TMEM26: variants seen among roughly 807,000 people sequenced by gnomAD.
TMEM26 encodes the protein transmembrane protein 26.
TMEM26 carries 38 observed loss-of-function variants against 28.8 expected under a neutral mutation model. The observed-to-expected ratio is 1.32, with a 90% CI of 1.02 to 1.73. The LOEUF (loss-of-function observed/expected upper bound fraction) is 1.73. Ranked by LOEUF, TMEM26 falls within the 40% of genes most tolerant of loss-of-function variation. The pLI is 0.00. For missense variants in TMEM26, 518 were observed against 447.1 expected, an observed-to-expected ratio of 1.16 and a Z score of -1.43; for synonymous variants, 227 against 182.9, an observed-to-expected ratio of 1.24 and a Z score of -1.95.
chr10:61,411,817 G>A (rs746541839), intron 5 of TMEM26, among the ~76,000 whole-genome samples: 32 of 152,174 alleles, frequency 2.1e-4, no homozygotes, highest in Non-Finnish European at 3.8e-4. Flanking sequence ...AACAAAGAAT[G>A]CCTTCGTCTA....
chr10:61,439,246 T>G lies in TMEM26; in HGVS notation c.192-2998A>C, dbSNP rs565004481. ...GTGGCCCAACACATGCTGTACTGTT[T>G]TATAGTTATGTGTGTATAAGACTTC... is the stretch of plus-strand genomic sequence containing the variant. On this transcript the variant is annotated intron_variant, in intron 1 of 5. Coordinates refer to ENST00000399298, the MANE Select transcript of TMEM26 (RefSeq NM_178505.8). Among the ~76,000 whole-genome samples, 4 of 152,324 alleles carry G rather than the reference T, an allele frequency of 2.6e-5. No individual in the cohort carries two copies. In the South Asian group the frequency reaches 8.3e-4, roughly 32 times the overall value.
Position 61,453,254 on chromosome 10 carries a change from C to G in TMEM26, c.-173G>C. ...CGGTAGAACTGGTGCGCGGCTCGCC[C>G]CTCCCCCAAACTTCCTGAGAACTCT... On this transcript the variant is annotated 5_prime_UTR_variant, in exon 1 of 6. Transcript: ENST00000399298. The G allele has an allele frequency of 3.0e-6, 2 of 663,934 alleles. No homozygotes were observed. The highest frequency in any genetic ancestry group is 5.0e-6 in the Non-Finnish European group (2 of 396,068). 41.1% of individuals were successfully genotyped at this position (663,934 alleles called of 1,614,324 possible). A position where few individuals can be genotyped will look rare whatever the true frequency, so the allele number is the denominator to read the frequency against.
chr10:61,437,973 A>G (rs1342051923), intron 1 of TMEM26, among the ~76,000 whole-genome samples: 1 of 152,182 alleles, frequency 6.6e-6, no homozygotes, highest in Non-Finnish European at 1.5e-5. Context: ...TTCGAGATGA[A>G]ATGTTACCCA....
At chr10:61,417,281 T>C (rs1839668488) in intron 4 of TMEM26, among the ~76,000 whole-genome samples, 1 of 152,006 alleles carries the variant, frequency 6.6e-6, no homozygotes, top group Admixed American at 6.6e-5. Context: ...TTGACATTAG[T>C]ATCACTTTTC....
At chr10:61,414,017 A>T in intron 4 of TMEM26, 1 of 987,770 alleles carries the variant, frequency 1.0e-6, no homozygotes, top group Non-Finnish European at 1.2e-6. Context: ...TTAGATAGGA[A>T]AAAGGTAAGG....
intron 4 of TMEM26, among the ~76,000 whole-genome samples, chr10:61,422,621 CAT>C (rs1839767594): frequency 2.0e-5 from 3 of 151,924 alleles, no homozygotes; most frequent in South Asian, 2.1e-4. Flanking sequence ...CAAAAAAAGA[CAT>C]ATCAAATTTC....
intron 2 of TMEM26, 29 bp from the exon 3 acceptor site, chr10:61,431,361 T>C (rs1589036132): frequency 1.3e-6 from 2 of 1,551,640 alleles, no homozygotes; most frequent in Admixed American, 1.7e-5. Context: ...AAGGCAATTA[T>C]GGCAAAAAAT....
rs779916450 is a variant in TMEM26 at position 61,453,015 on chromosome 10, C to T, written c.67G>A (p.Gly23Arg). 4 of 1,613,804 alleles carry T rather than the reference C, an allele frequency of 2.5e-6. No homozygotes were observed. In the South Asian group the frequency reaches 3.3e-5, roughly 13 times the overall value. ...TTCACCTCGGTCACTCGCCAGACCC[C>T]GACCAGCGAGTGCAGCAGGAACAGC... The part of the protein sequence containing the change: ...RLLFLLHSLV[G>R]VWRVTEVKKE... Residue 23 changes from glycine (G) to arginine (R), a missense_variant, in exon 1 of 6, where the codon GGG (glycine) becomes AGG (arginine). By Grantham distance (125) the Gly-to-Arg change is moderately radical (BLOSUM62 -2). Transcript: ENST00000399298.
intron 1 of TMEM26, among the ~76,000 whole-genome samples, chr10:61,452,080 T>G (rs1199445418): frequency 6.6e-6 from 1 of 152,118 alleles, no homozygotes; most frequent in East Asian, 1.9e-4. Context: ...AACTTCCAGA[T>G]GGATTCCTCT....
At chr10:61,414,902 C>T in intron 4 of TMEM26, 1 of 843,496 alleles carries the variant, frequency 1.2e-6, no homozygotes, top group African/African-American at 1.8e-5. Context: ...CCATAGTGTC[C>T]TCATTAACAA....
intron 3 of TMEM26, 113 bp downstream of exon 3, chr10:61,431,106 G>A: frequency 1.2e-6 from 1 of 801,606 alleles, no homozygotes; most frequent in Admixed American, 2.6e-5. Flanking sequence ...CCAAACAATG[G>A]ATAACTTTCT....
chr10:61,423,711 C>G (rs1661611907), intron 4 of TMEM26, among the ~76,000 whole-genome samples: 1 of 151,874 alleles, frequency 6.6e-6, no homozygotes, highest in Non-Finnish European at 1.5e-5. Flanking sequence ...TAGACCCGGG[C>G]TAAAGGGCAA....
intron 1 of TMEM26, among the ~76,000 whole-genome samples, chr10:61,436,825 T>C (rs1192943041): frequency 1.3e-5 from 2 of 152,162 alleles, no homozygotes; most frequent in African/African-American, 4.8e-5. Context: ...AAGCCTTTGG[T>C]ATTTTTTTTA....
At chr10:61,417,747 T>A (rs929159832) in intron 4 of TMEM26, among the ~76,000 whole-genome samples, 3 of 151,992 alleles carry the variant, frequency 2.0e-5, no homozygotes, top group African/African-American at 7.2e-5. Context: ...GAAAAAAGAC[T>A]GCACAAAGTG....
intron 5 of TMEM26, among the ~76,000 whole-genome samples, chr10:61,411,044 C>T (rs1307992907): frequency 6.6e-6 from 1 of 152,072 alleles, no homozygotes; most frequent in East Asian, 1.9e-4. Flanking sequence ...TGCTTATAGC[C>T]CAAGCTCCTT....
chr10:61,424,474 C>A (rs534450102), intron 4 of TMEM26, among the ~76,000 whole-genome samples: 3 of 152,088 alleles, frequency 2.0e-5, no homozygotes, highest in Non-Finnish European at 4.4e-5. Flanking sequence ...GTTAAGATGA[C>A]ACTTCTTCCC....
Position 61,408,018 on chromosome 10 carries a change from G to A in TMEM26, c.*2304C>T, listed in dbSNP as rs1839517242. The A allele has an allele frequency of 6.6e-6, 1 of 152,138 alleles. No individual in the cohort carries two copies. Among genetic ancestry groups the A allele is most frequent in the Non-Finnish European group, 1.5e-5 (1 of 68,022 alleles). The allele number at this position is 152,138 out of a possible 1,614,324, so 9.4% of individuals were successfully genotyped here. A position where few individuals can be genotyped will look rare whatever the true frequency, so the allele number is the denominator to read the frequency against. The stretch of plus-strand genomic sequence containing the variant: ...TATTTAATCAGGAGTCTTAGGAATG[G>A]CTAATATATAACCTAGGTTTAGAGC... On this transcript the variant is annotated 3_prime_UTR_variant, in exon 6 of 6. Transcript: ENST00000399298.
chr10:61,410,345 CGGA>C lies in TMEM26; in HGVS notation c.1081_1083del (p.Ser361del). 4 of 1,612,946 alleles carry C rather than the reference CGGA, an allele frequency of 2.5e-6. No individual in the cohort carries two copies. The highest frequency in any genetic ancestry group is 3.4e-6 in the Non-Finnish European group (4 of 1,179,248). On this transcript the variant is annotated inframe_deletion, in exon 6 of 6. Transcript: ENST00000399298. ...AACTAAGGGGTGTGGTGGGAGTCGT[CGGA>C]GGTGACTGGGGAGCCCCGCAAAGGA... is the stretch of plus-strand genomic sequence containing the variant.
chr10:61,426,286 A>C (rs1337862587), intron 4 of TMEM26, among the ~76,000 whole-genome samples: 2 of 152,154 alleles, frequency 1.3e-5, no homozygotes, highest in African/African-American at 4.8e-5. Flanking sequence ...GACTGACTGC[A>C]AACTGCCACA....
Sources: gnomAD v4.1 joint callset for allele counts (sites outside exome capture counted in the v4.1 genomes callset) on GRCh38, gnomAD v4.1.1 for gene constraint, MANE v1.5 for transcripts, NCBI Gene and HGNC (gene_info 2026-07-23, HGNC 2026-07-21) for gene names.